The following POLK variants were observed in gnomAD, a reference collection of about 807,000 sequenced individuals.
POLK encodes the protein polymerase (DNA directed) kappa.
POLK carries 76 observed loss-of-function variants against 94.0 expected under a neutral mutation model. The observed-to-expected ratio is 0.81, with a 90% CI of 0.67 to 0.98. POLK has a LOEUF of 0.98. Ranked by LOEUF, POLK falls within the 50% of genes least tolerant of loss-of-function variation. The pLI, the probability that POLK is intolerant of heterozygous loss-of-function variation, is 0.00. For missense variants in POLK, 954 were observed against 1,010.1 expected, an observed-to-expected ratio of 0.94 and a Z score of 0.75; for synonymous variants, 349 against 325.4, an observed-to-expected ratio of 1.07 and a Z score of -0.78.
intron 9 of POLK, among the ~76,000 whole-genome samples, chr5:75,586,236 T>C (rs1772464403): frequency 6.6e-6 from 1 of 152,204 alleles, no homozygotes; most frequent in Admixed American, 6.5e-5. Context: ...TCTGTCCATA[T>C]TCTCTATTCC....
At chr5:75,588,087 AAGAG>A (rs781243905) in intron 10 of POLK, among the ~76,000 whole-genome samples, 15 of 152,052 alleles carry the variant, frequency 9.9e-5, no homozygotes, top group Non-Finnish European at 1.6e-4. Flanking sequence ...AAAGCAATCA[AAGAG>A]AGAGAGAAAA....
At chr5:75,527,945 T>C (rs989324147) in intron 1 of POLK, among the ~76,000 whole-genome samples, 2 of 152,168 alleles carry the variant, frequency 1.3e-5, no homozygotes, top group Admixed American at 6.5e-5. Flanking sequence ...CGTTCAACCA[T>C]ACAGTGTAAC....
chr5:75,601,355 CAGTT>C (rs532573348), downstream of POLK, among the ~76,000 whole-genome samples: 93 of 152,244 alleles, frequency 6.1e-4, 1 homozygote, highest in African/African-American at 2.2e-3. Flanking sequence ...CAGCTGTTGA[CAGTT>C]AGACCAAATA....
At chr5:75,514,405 C>G (rs1768224095) in intron 1 of POLK, among the ~76,000 whole-genome samples, 2 of 152,166 alleles carry the variant, frequency 1.3e-5, no homozygotes, top group African/African-American at 4.8e-5. Context: ...AAAAAAATCA[C>G]TAACATGATT....
downstream of POLK, among the ~76,000 whole-genome samples, chr5:75,602,263 T>G (rs1773311954): frequency 6.6e-6 from 1 of 152,218 alleles, no homozygotes; most frequent in Non-Finnish European, 1.5e-5. Flanking sequence ...AGGGGTGTAG[T>G]GATACCTCAT....
At chr5:75,559,756 T>G (rs1431894992) in intron 3 of POLK, among the ~76,000 whole-genome samples, 2 of 151,970 alleles carry the variant, frequency 1.3e-5, no homozygotes, top group African/African-American at 4.8e-5. Context: ...CCCAGGCCAG[T>G]CTCAAACTCC....
chr5:75,524,656 CA>C (rs1318871683), intron 1 of POLK, among the ~76,000 whole-genome samples: 1 of 151,444 alleles, frequency 6.6e-6, no homozygotes, highest in Non-Finnish European at 1.5e-5. Context: ...GGGTCTGGAA[CA>C]AAAAACAGAT....
intron 1 of POLK, among the ~76,000 whole-genome samples, chr5:75,514,536 C>T (rs1768231628): frequency 6.6e-6 from 1 of 152,178 alleles, no homozygotes; most frequent in African/African-American, 2.4e-5. Context: ...TTTATTCGCT[C>T]TTCACAAAAA....
chr5:75,531,707 G>C lies in POLK; in HGVS notation c.-13-15303G>C, dbSNP rs368549157. 5.5e-4 allele frequency among the ~76,000 whole-genome samples: 83 copies of C among 152,176 alleles called. 1 individual carries two copies. Among genetic ancestry groups the C allele is most frequent in the Middle Eastern group, 3.4e-3 (1 of 294 alleles). On this transcript the variant is annotated intron_variant, in intron 1 of 14. Coordinates refer to ENST00000241436, the Ensembl canonical transcript of POLK. ...ACTTGGGAGGCCGAGGCAAAGAATAGCTTGAACCTGGGAGGTGGAGGTTGT... is the reference window on the plus strand; with the variant it reads ...ACTTGGGAGGCCGAGGCAAAGAATACCTTGAACCTGGGAGGTGGAGGTTGT...
intron 1 of POLK, among the ~76,000 whole-genome samples, chr5:75,524,660 A>C (rs1379788819): frequency 6.6e-6 from 1 of 152,196 alleles, no homozygotes; most frequent in East Asian, 1.9e-4. Context: ...CTGGAACAAA[A>C]AACAGATAGA....
At chr5:75,590,759 G>T (rs1023633395) in intron 11 of POLK, among the ~76,000 whole-genome samples, 2 of 152,088 alleles carry the variant, frequency 1.3e-5, no homozygotes, top group Non-Finnish European at 2.9e-5. Context: ...AGAGAATAAG[G>T]CAAAAGAAAG....
chr5:75,569,575 T>C, intron 4 of POLK, 83 bp downstream of exon 4: 1 of 1,183,004 alleles, frequency 8.5e-7, no homozygotes, highest in Non-Finnish European at 1.2e-6. Flanking sequence ...GAATTCTTTA[T>C]TGAGGTCTAC....
chr5:75,551,077 T>G (rs1255444894), intron 2 of POLK, among the ~76,000 whole-genome samples: 1 of 150,160 alleles, frequency 6.7e-6, no homozygotes, highest in Non-Finnish European at 1.5e-5. Context: ...ACAAAACCCT[T>G]ACGCCGTACA....
intron 1 of POLK, among the ~76,000 whole-genome samples, chr5:75,539,111 T>G (rs1769606103): frequency 6.6e-6 from 1 of 152,216 alleles, no homozygotes; most frequent in Non-Finnish European, 1.5e-5. Context: ...AATAATAGTT[T>G]CCAAATGGAC....
intron 12 of POLK, 78 bp downstream of exon 12, chr5:75,594,127 G>T: frequency 9.5e-7 from 1 of 1,047,582 alleles, no homozygotes; most frequent in Non-Finnish European, 1.4e-6. Context: ...AATACAGGGG[G>T]CCCCCAACTT....
At chr5:75,583,487 A>G (rs1772309397) in intron 8 of POLK, 70 bp downstream of exon 8, 4 of 855,112 alleles carry the variant, frequency 4.7e-6, no homozygotes, top group Non-Finnish European at 6.9e-6. Context: ...GTAGGCCAAT[A>G]GTTAATCATT....
At chr5:75,557,850 G>T (rs1464586451) in intron 3 of POLK, among the ~76,000 whole-genome samples, 1 of 152,112 alleles carries the variant, frequency 6.6e-6, no homozygotes, top group Non-Finnish European at 1.5e-5. Context: ...TGCGTAGTGG[G>T]ATGACCTCAG....
the POLK span, chr5:75,609,959 G>A: frequency 6.6e-6 from 1 of 152,170 alleles, no homozygotes; most frequent in African/African-American, 2.4e-5. Flanking sequence ...AAATTTGTAA[G>A]AAGAATAAAT....
chr5:75,574,033 T>C (rs1771740160), intron 5 of POLK, among the ~76,000 whole-genome samples, 164 bp downstream of exon 5: 1 of 152,190 alleles, frequency 6.6e-6, no homozygotes, highest in East Asian at 1.9e-4. Context: ...GAGCTGCATA[T>C]AGCATCCAGA....
Sources: allele counts gnomAD v4.1 joint callset (sites outside exome capture counted in the v4.1 genomes callset), GRCh38; gene constraint gnomAD v4.1.1; transcripts MANE v1.5; gene names NCBI Gene and HGNC (gene_info 2026-07-23, HGNC 2026-07-21).